TENM2: variants seen among roughly 807,000 people sequenced by gnomAD.
TENM2 encodes teneurin transmembrane protein 2.
A neutral mutation model predicts 245.2 loss-of-function variants in TENM2; 52 were observed. The ratio of observed to expected loss-of-function variants is 0.21; its 90% CI spans 0.17 to 0.27. TENM2 has a LOEUF of 0.27. Ranked by LOEUF, TENM2 falls within the 10% of genes least tolerant of loss-of-function variation. The probability of loss-of-function intolerance (pLI) is 1.00; values close to 1 mark genes in which losing one functional copy is unlikely to be tolerated. For synonymous variants in TENM2, 1,363 were observed against 1,438.9 expected (o/e 0.95, Z 1.19); for missense variants, 3,046 against 3,666.8 (o/e 0.83, Z 4.37).
At chr5:167,317,881 A>G (rs1756466815) in intron 1 of TENM2, among the ~76,000 whole-genome samples, 1 of 152,166 alleles carries the variant, frequency 6.6e-6, no homozygotes, top group Non-Finnish European at 1.5e-5. Flanking sequence ...ACACAGCTTG[A>G]ATAAATAAAT....
intron 12 of TENM2, among the ~76,000 whole-genome samples, chr5:168,154,741 G>A (rs1757001799): frequency 6.6e-6 from 1 of 152,042 alleles, no homozygotes. Context: ...TGTTTCTATT[G>A]CTGTTGGGGT....
At chr5:167,536,782 C>G (rs749501938) in intron 2 of TENM2, among the ~76,000 whole-genome samples, 2 of 152,086 alleles carry the variant, frequency 1.3e-5, no homozygotes, top group Non-Finnish European at 2.9e-5. Flanking sequence ...TTTGGGAGAC[C>G]GAGGCAGGCA....
At chr5:167,720,562 G>C in intron 2 of TENM2, among the ~76,000 whole-genome samples, 1 of 152,306 alleles carries the variant, frequency 6.6e-6, no homozygotes, top group African/African-American at 2.4e-5. Flanking sequence ...ACCCCTGTTT[G>C]TAAGTGAGTA....
At chr5:167,128,935 T>G in the TENM2 span, among the ~76,000 whole-genome samples, 892 of 152,330 alleles carry the variant, frequency 5.9e-3, 16 homozygotes, top group African/African-American at 0.02. Flanking sequence ...ATCCTTGCCT[T>G]TGCAAAAGCA....
chr5:167,973,379 C>T (rs1465093288), intron 4 of TENM2, among the ~76,000 whole-genome samples: 2 of 152,206 alleles, frequency 1.3e-5, no homozygotes, highest in Non-Finnish European at 2.9e-5. Context: ...GTTCATAGGA[C>T]TTCAGCTTAA....
chr5:167,844,846 C>CAA (rs34170173), intron 2 of TENM2, among the ~76,000 whole-genome samples: 3,491 of 136,130 alleles, frequency 0.026, 113 homozygotes, highest in African/African-American at 0.08. Flanking sequence ...TGGTAGTGGC[C>CAA]AAAAAAAAAA....
chr5:168,250,687 C>G (rs773801298), intron 27 of TENM2, among the ~76,000 whole-genome samples: 49 of 152,170 alleles, frequency 3.2e-4, no homozygotes, highest in Non-Finnish European at 2.9e-5. Context: ...TGGGACCTTT[C>G]GGACCCGGAA....
chr5:167,517,094 AAGGCTAT>A (rs1193848713), intron 2 of TENM2, among the ~76,000 whole-genome samples: 1 of 152,200 alleles, frequency 6.6e-6, no homozygotes, highest in African/African-American at 2.4e-5. Context: ...CTAACTAGGA[AAGGCTAT>A]AGAGGGAAAT....
At chr5:167,803,108 G>A (rs982086773) in intron 2 of TENM2, among the ~76,000 whole-genome samples, 1 of 152,092 alleles carries the variant, frequency 6.6e-6, no homozygotes, top group African/African-American at 2.4e-5. Context: ...TCAATAATTG[G>A]CCAATCACTT....
intron 13 of TENM2, among the ~76,000 whole-genome samples, chr5:168,171,876 T>C (rs1185670870): frequency 2.0e-5 from 3 of 152,228 alleles, no homozygotes; most frequent in Non-Finnish European, 4.4e-5. Context: ...TATGTTGGCT[T>C]CCTGTATTTG....
At position 168,253,615 on chromosome 5, in the gene TENM2, C is replaced by T. The variant is rs926187539; in HGVS notation, c.7432+5244C>T. Among the ~76,000 whole-genome samples the T allele has an allele frequency of 1.0e-4, 15 of 150,508 alleles. No homozygotes were observed. In the South Asian group the frequency reaches 1.1e-3, roughly 11 times the overall value. Reference sequence around the variant, plus strand: ...TAATTGTTTGTATTTTTAGTAGAGACGGGGTTTCACCGTGTTAGCCAGGAT... The same window carrying T: ...TAATTGTTTGTATTTTTAGTAGAGATGGGGTTTCACCGTGTTAGCCAGGAT... On this transcript the variant is annotated intron_variant, in intron 27 of 28. Transcript: ENST00000518659.
chr5:167,198,006 C>A, the TENM2 span, among the ~76,000 whole-genome samples: 28 of 151,788 alleles, frequency 1.8e-4, no homozygotes, highest in South Asian at 5.6e-3. Context: ...TTTGTCATAG[C>A]CTGAGAAGGG....
chr5:168,004,267 G>A (rs568369071), intron 5 of TENM2, among the ~76,000 whole-genome samples: 1 of 152,288 alleles, frequency 6.6e-6, no homozygotes, highest in African/African-American at 2.4e-5. Flanking sequence ...TAACTTCATA[G>A]TGTGAAGAAA....
At chr5:167,817,857 G>A (rs1767189373) in intron 2 of TENM2, among the ~76,000 whole-genome samples, 1 of 152,154 alleles carries the variant, frequency 6.6e-6, no homozygotes, top group African/African-American at 2.4e-5. Context: ...GCTCTGCTGG[G>A]GGCATGAATT....
chr5:167,323,579 T>C (rs949133693), intron 1 of TENM2, among the ~76,000 whole-genome samples: 1 of 152,180 alleles, frequency 6.6e-6, no homozygotes, highest in Non-Finnish European at 1.5e-5. Context: ...TAATAAAAAT[T>C]GCATGTGCTA....
At chr5:167,905,662 T>C (rs1776036024) in intron 3 of TENM2, among the ~76,000 whole-genome samples, 1 of 152,180 alleles carries the variant, frequency 6.6e-6, no homozygotes, top group Admixed American at 6.5e-5. Flanking sequence ...GGGATATCTG[T>C]GTTTGAGAAA....
At chr5:167,540,494 G>A (rs1772131698) in intron 2 of TENM2, among the ~76,000 whole-genome samples, 1 of 152,166 alleles carries the variant, frequency 6.6e-6, no homozygotes, top group Admixed American at 6.6e-5. Flanking sequence ...AAAAAATTGT[G>A]TTGGCATATA....
the TENM2 span, among the ~76,000 whole-genome samples, chr5:167,063,093 T>G: frequency 6.6e-6 from 1 of 152,166 alleles, no homozygotes; most frequent in Non-Finnish European, 1.5e-5. Flanking sequence ...TGTAAGTTTC[T>G]AGACAGTTTC....
chr5:167,135,795 CA>C, the TENM2 span, among the ~76,000 whole-genome samples: 12 of 147,478 alleles, frequency 8.1e-5, no homozygotes, highest in Non-Finnish European at 1.5e-4. Flanking sequence ...GACTCCATCT[CA>C]AAAAAAAAAT....
Sources: gnomAD v4.1 joint callset for allele counts (sites outside exome capture counted in the v4.1 genomes callset) on GRCh38, gnomAD v4.1.1 for gene constraint, MANE v1.5 for transcripts, NCBI Gene and HGNC (gene_info 2026-07-23, HGNC 2026-07-21) for gene names.